TRPC4: variants seen among roughly 807,000 people sequenced by gnomAD.
TRPC4 encodes the protein transient receptor potential cation channel subfamily C member 4, also known as short transient receptor potential channel 4.
In TRPC4, 49 loss-of-function variants were observed where a neutral mutation model predicts 99.4. The observed-to-expected ratio is 0.49, with a 90% confidence interval of 0.39 to 0.63. The LOEUF is 0.63. Ranked by LOEUF, TRPC4 falls within the 20% of genes least tolerant of loss-of-function variation. The probability of loss-of-function intolerance (pLI) is 0.00; values close to 1 mark genes in which losing one functional copy is unlikely to be tolerated. For synonymous variants in TRPC4, 454 were observed against 425.9 expected (o/e 1.07, Z -0.81); for missense variants, 898 against 1,152.9 (o/e 0.78, Z 3.20).
intron 3 of TRPC4, among the ~76,000 whole-genome samples, chr13:37,695,660 G>T (rs780678633): frequency 6.6e-6 from 1 of 152,114 alleles, no homozygotes; most frequent in African/African-American, 2.4e-5. Context: ...TATAAAAGAC[G>T]CTGTGAAAAC....
intron 3 of TRPC4, among the ~76,000 whole-genome samples, chr13:37,735,391 C>A (rs1285145321): frequency 1.3e-5 from 2 of 152,082 alleles, no homozygotes; most frequent in Non-Finnish European, 2.9e-5. Flanking sequence ...GCTGTTAAGG[C>A]CGCAACTCTA....
At chr13:37,855,334 G>GTATA (rs1319645869) in intron 1 of TRPC4, among the ~76,000 whole-genome samples, 1 of 114,084 alleles carries the variant, frequency 8.8e-6, no homozygotes, top group South Asian at 2.8e-4. Context: ...TATATACAAT[G>GTATA]TAGATATATA....
chr13:37,824,322 G>A (rs1353721759), intron 1 of TRPC4, among the ~76,000 whole-genome samples: 1 of 146,190 alleles, frequency 6.8e-6, no homozygotes, highest in Non-Finnish European at 1.5e-5. Flanking sequence ...GAATAGGAGT[G>A]GTGAGAGAGG....
In TRPC4 at chr13:37,636,937, A is replaced by C; in HGVS notation, c.2900T>G (p.Val967Gly). 1 of 1,612,746 alleles carries C rather than the reference A, an allele frequency of 6.2e-7. No individual in the cohort carries two copies. Residue 967 changes from valine to glycine, a missense_variant, in exon 11 of 11, where the codon GTC becomes GGC. Val to Gly is a moderately radical substitution (Grantham distance 109). Transcript: ENST00000379705. ...TGTGGTCACGTAATCTTCGTGGGTG[A>C]CTGTGTCTGGGAGGTTTAGATCATA... ...IDYDLNLPDT[V>G]THEDYVTTRL
At chr13:37,807,048 T>C (rs1162684138) in intron 1 of TRPC4, among the ~76,000 whole-genome samples, 4 of 152,062 alleles carry the variant, frequency 2.6e-5, no homozygotes, top group Non-Finnish European at 5.9e-5. Flanking sequence ...AATCAATACA[T>C]AGAAAAATGA....
chr13:37,715,364 A>G (rs921249772), intron 3 of TRPC4, among the ~76,000 whole-genome samples: 7 of 152,206 alleles, frequency 4.6e-5, no homozygotes, highest in African/African-American at 1.7e-4. Flanking sequence ...TAGTAAATGA[A>G]TAAGAGAATT....
chr13:37,841,533 A>G (rs1441868143), intron 1 of TRPC4, among the ~76,000 whole-genome samples: 1 of 151,882 alleles, frequency 6.6e-6, no homozygotes, highest in Non-Finnish European at 1.5e-5. Context: ...ATGCATAAAG[A>G]AATATAAAAC....
At chr13:37,737,933 G>A (rs1955450648) in intron 3 of TRPC4, among the ~76,000 whole-genome samples, 1 of 152,126 alleles carries the variant, frequency 6.6e-6, no homozygotes, top group Admixed American at 6.6e-5. Flanking sequence ...GAATGGAAAG[G>A]TTTTCTTTCT....
chr13:37,821,895 G>T (rs1958022359), intron 1 of TRPC4, among the ~76,000 whole-genome samples: 1 of 152,044 alleles, frequency 6.6e-6, no homozygotes, highest in African/African-American at 2.4e-5. Context: ...TCCAGACACA[G>T]GCCCTGGCAA....
intron 3 of TRPC4, 75 bp downstream of exon 3, chr13:37,745,861 AT>A: frequency 6.6e-7 from 1 of 1,513,636 alleles, no homozygotes. Context: ...CCCAAAACTA[AT>A]TTTGTGAGTA....
chr13:37,818,237 A>C (rs1957916788), intron 1 of TRPC4, among the ~76,000 whole-genome samples: 1 of 152,060 alleles, frequency 6.6e-6, no homozygotes, highest in Admixed American at 6.6e-5. Context: ...AATGCAAATC[A>C]AAATTACAAT....
chr13:37,660,782 G>C (rs891992980), intron 6 of TRPC4, among the ~76,000 whole-genome samples: 1 of 152,094 alleles, frequency 6.6e-6, no homozygotes, highest in African/African-American at 2.4e-5. Context: ...CAGTAAAAAA[G>C]AGCCTGAATT....
intron 2 of TRPC4, among the ~76,000 whole-genome samples, chr13:37,775,368 T>C (rs1338974106): frequency 6.6e-6 from 1 of 151,224 alleles, no homozygotes; most frequent in Admixed American, 6.6e-5. Flanking sequence ...CTTCTTTTTC[T>C]TTTGTTTAGA....
chr13:37,813,797 A>C (rs1957767674), intron 1 of TRPC4, among the ~76,000 whole-genome samples: 1 of 151,876 alleles, frequency 6.6e-6, no homozygotes, highest in Admixed American at 6.6e-5. Flanking sequence ...AATCATTCAC[A>C]AACTCTAGCA....
At chr13:37,642,572 C>T (rs1268315514) in intron 8 of TRPC4, among the ~76,000 whole-genome samples, 1 of 151,974 alleles carries the variant, frequency 6.6e-6, no homozygotes, top group Non-Finnish European at 1.5e-5. Flanking sequence ...AAGGAGAAGC[C>T]TACTTCTAGG....
At chr13:37,677,823 A>C (rs1182434560) in intron 4 of TRPC4, among the ~76,000 whole-genome samples, 24 of 152,282 alleles carry the variant, frequency 1.6e-4, no homozygotes, top group South Asian at 8.3e-4. Flanking sequence ...AGCAGAATAC[A>C]CATTTCTTGC....
chr13:37,758,195 TATTCTAC>T (rs1224969931), intron 2 of TRPC4, among the ~76,000 whole-genome samples: 1 of 151,956 alleles, frequency 6.6e-6, no homozygotes, highest in Non-Finnish European at 1.5e-5. Context: ...TAAGAAATCC[TATTCTAC>T]ATAAACAAAG....
At chr13:37,692,417 G>A in intron 3 of TRPC4, 82 bp from the exon 4 acceptor site, 2 of 1,193,330 alleles carry the variant, frequency 1.7e-6, no homozygotes, top group Non-Finnish European at 2.3e-6. Context: ...ACACAATTGT[G>A]ATCTTTAAAG....
chr13:37,667,367 CGCAATCTCGGCTCACT>C (rs879929956), intron 5 of TRPC4, among the ~76,000 whole-genome samples: 2 of 152,174 alleles, frequency 1.3e-5, no homozygotes, highest in Non-Finnish European at 2.9e-5. Flanking sequence ...AGTACAGTGC[CGCAATCTCGGCTCACT>C]GCAACCTCCA....
Sources: allele counts gnomAD v4.1 joint callset (sites outside exome capture counted in the v4.1 genomes callset), GRCh38; gene constraint gnomAD v4.1.1; transcripts MANE v1.5; gene names NCBI Gene and HGNC (gene_info 2026-07-23, HGNC 2026-07-21).